The following GSG1L variants were observed in gnomAD, a reference collection of about 807,000 sequenced individuals.
The protein encoded by GSG1L is GSG1 like.
GSG1L carries 24 observed loss-of-function variants against 42.1 expected under a neutral mutation model. The ratio of observed to expected loss-of-function variants is 0.57; its 90% CI spans 0.41 to 0.80. The LOEUF (loss-of-function observed/expected upper bound fraction) is 0.80, where lower values mean the gene tolerates loss of function less well. GSG1L is among the 30% of genes least tolerant of loss of function. The pLI, the probability that GSG1L is intolerant of heterozygous loss-of-function variation, is 0.00. For synonymous variants in GSG1L, 215 were observed against 203.5 expected (o/e 1.06, Z -0.48); for missense variants, 445 against 472.2 (o/e 0.94, Z 0.53).
At chr16:27,820,879 C>T (rs554953003) in intron 5 of GSG1L, among the ~76,000 whole-genome samples, 17 of 152,296 alleles carry the variant, frequency 1.1e-4, no homozygotes, top group East Asian at 5.8e-4. Flanking sequence ...CAACTCCCAT[C>T]GAGGCGCTCA....
At chr16:27,994,227 G>A (rs552286362) in intron 1 of GSG1L, among the ~76,000 whole-genome samples, 35 of 152,236 alleles carry the variant, frequency 2.3e-4, no homozygotes, top group Non-Finnish European at 3.4e-4. Context: ...AACCACCAAG[G>A]GGAGATGTTG....
intron 1 of GSG1L, among the ~76,000 whole-genome samples, chr16:28,042,589 C>T (rs1455221989): frequency 6.6e-6 from 1 of 152,030 alleles, no homozygotes; most frequent in African/African-American, 2.4e-5. Flanking sequence ...AAAGAGAACC[C>T]ACTCACTCTA....
intron 3 of GSG1L, among the ~76,000 whole-genome samples, chr16:27,854,685 C>A (rs1327103871): frequency 6.6e-6 from 1 of 152,158 alleles, no homozygotes; most frequent in African/African-American, 2.4e-5. Flanking sequence ...CCACCTGTGT[C>A]CACCTGTGTT....
intron 2 of GSG1L, among the ~76,000 whole-genome samples, chr16:27,903,323 G>C (rs1283193799): frequency 1.3e-5 from 2 of 152,122 alleles, no homozygotes; most frequent in African/African-American, 4.8e-5. Context: ...CTGCCACACA[G>C]AGAGAGAGAA....
chr16:27,982,477 G>A (rs2085336810), intron 1 of GSG1L, among the ~76,000 whole-genome samples: 1 of 152,174 alleles, frequency 6.6e-6, no homozygotes, highest in Admixed American at 6.5e-5. Context: ...TTTATGAAAT[G>A]GGTGTACTCT....
At chr16:27,990,480 C>T (rs898771896) in intron 1 of GSG1L, among the ~76,000 whole-genome samples, 5 of 152,132 alleles carry the variant, frequency 3.3e-5, no homozygotes, top group African/African-American at 1.2e-4. Flanking sequence ...TATGACCATT[C>T]TGCTTTGAGG....
intron 4 of GSG1L, among the ~76,000 whole-genome samples, chr16:27,836,502 G>T (rs1281774072): frequency 6.6e-6 from 1 of 151,776 alleles, no homozygotes; most frequent in Non-Finnish European, 1.5e-5. Context: ...TATATTTTTG[G>T]TTGTAGTTCT....
intron 3 of GSG1L, among the ~76,000 whole-genome samples, chr16:27,876,383 G>A (rs2141016636): frequency 6.6e-6 from 1 of 152,310 alleles, no homozygotes; most frequent in East Asian, 1.9e-4. Flanking sequence ...ATTAAGAAGT[G>A]TAACAGGAAG....
intron 2 of GSG1L, among the ~76,000 whole-genome samples, chr16:27,957,704 T>C (rs1184001470): frequency 1.3e-5 from 2 of 152,360 alleles, no homozygotes; most frequent in African/African-American, 4.8e-5. Flanking sequence ...ATATACGTGA[T>C]AGTCCATGTT....
At chr16:27,830,154 C>T (rs1051326756) in intron 4 of GSG1L, among the ~76,000 whole-genome samples, 13 of 152,172 alleles carry the variant, frequency 8.5e-5, no homozygotes, top group African/African-American at 2.9e-4. Flanking sequence ...ATGCATTCAA[C>T]GTTTAGTACC....
chr16:27,864,575 GC>G (rs2141003109), intron 3 of GSG1L, among the ~76,000 whole-genome samples: 1 of 152,288 alleles, frequency 6.6e-6, no homozygotes, highest in South Asian at 2.1e-4. Flanking sequence ...CCCACCTGCA[GC>G]CACAAAGAGA....
intron 1 of GSG1L, among the ~76,000 whole-genome samples, chr16:28,035,401 G>A (rs1038172468): frequency 6.6e-6 from 1 of 152,080 alleles, no homozygotes; most frequent in Non-Finnish European, 1.5e-5. Flanking sequence ...TTTCTTTCAT[G>A]GGAATCCCCA....
In GSG1L at chr16:27,789,171, A is replaced by G. The variant is rs1245099652; in HGVS notation, c.*2199T>C. 1.3e-5 allele frequency: 2 copies of G among 152,184 alleles called. No homozygotes were observed. Among genetic ancestry groups the G allele is most frequent in the African/African-American group, 4.8e-5 (2 of 41,384 alleles). 9.4% of individuals were successfully genotyped at this position (152,184 alleles called of 1,614,324 possible). On this transcript the variant is annotated 3_prime_UTR_variant, in exon 7 of 7. Coordinates refer to ENST00000447459, the MANE Select transcript of GSG1L (RefSeq NM_001109763.2). The stretch of plus-strand genomic sequence containing the variant: ...TGGATGGATAATTGATGGATGATGG[A>G]TAGATGAAGGAATGGATGGATGATA...
At chr16:27,892,993 C>T (rs1052748811) in intron 2 of GSG1L, among the ~76,000 whole-genome samples, 1 of 152,114 alleles carries the variant, frequency 6.6e-6, no homozygotes, top group Non-Finnish European at 1.5e-5. Flanking sequence ...GACAGGAAGT[C>T]AGAACAGACC....
chr16:28,013,696 G>A (rs1306957106), intron 1 of GSG1L, among the ~76,000 whole-genome samples: 1 of 152,154 alleles, frequency 6.6e-6, no homozygotes, highest in South Asian at 2.1e-4. Flanking sequence ...CACAGCATGG[G>A]GACCCCAAGC....
chr16:27,790,281 G>A lies in GSG1L; in HGVS notation c.*1089C>T, dbSNP rs899183006. On this transcript the variant is annotated 3_prime_UTR_variant, in exon 7 of 7. Transcript: ENST00000447459. Reference sequence around the variant, plus strand: ...TGGATGATGGATGGAAGGATGGAAGGATAAAGGAGAAGAATATATTCTACG... The same window carrying A: ...TGGATGATGGATGGAAGGATGGAAGAATAAAGGAGAAGAATATATTCTACG... 2.6e-5 allele frequency: 4 copies of A among 152,194 alleles called. No individual in the cohort carries two copies. Among genetic ancestry groups the A allele is most frequent in the Non-Finnish European group, 4.4e-5 (3 of 68,040 alleles). The allele number at this position is 152,194 out of a possible 1,614,324, so 9.4% of individuals were successfully genotyped here. A position where few individuals can be genotyped will look rare whatever the true frequency, so the allele number is the denominator to read the frequency against.
intron 2 of GSG1L, among the ~76,000 whole-genome samples, chr16:27,939,506 T>A (rs550206819): frequency 1.9e-4 from 29 of 152,276 alleles, no homozygotes; most frequent in Non-Finnish European, 2.2e-4. Context: ...CATGAATGTG[T>A]CTTTCCCCAC....
Position 28,024,516 on chromosome 16 carries a change from C to T in GSG1L, c.349+38560G>A, listed in dbSNP as rs148434461. ...TGAAAGATAACAGGCCCCGGAACAG[C>T]GGGAGAGAATTGCTGGGAAATTAGC... On this transcript the variant is annotated intron_variant, in intron 1 of 6. Coordinates refer to ENST00000447459, the MANE Select transcript of GSG1L (RefSeq NM_001109763.2). 2.1e-3 allele frequency among the ~76,000 whole-genome samples: 317 copies of T among 152,182 alleles called. 1 individual carries two copies. The highest frequency in any genetic ancestry group is 7.1e-3 in the African/African-American group (296 of 41,506).
At chr16:27,810,602 C>T (rs1345290964) in intron 5 of GSG1L, among the ~76,000 whole-genome samples, 1 of 152,174 alleles carries the variant, frequency 6.6e-6, no homozygotes, top group East Asian at 1.9e-4. Flanking sequence ...GCCTGAGTGG[C>T]CCTAGGCACC....
Sources: gnomAD v4.1 joint callset for allele counts (sites outside exome capture counted in the v4.1 genomes callset) on GRCh38, gnomAD v4.1.1 for gene constraint, MANE v1.5 for transcripts, NCBI Gene and HGNC (gene_info 2026-07-23, HGNC 2026-07-21) for gene names.